CPA1: variants seen among roughly 807,000 people sequenced by gnomAD.
CPA1 encodes the protein carboxypeptidase A1 (pancreatic).
A neutral mutation model predicts 48.7 loss-of-function variants in CPA1; 42 were observed. The ratio of observed to expected loss-of-function variants is 0.86; its 90% CI spans 0.67 to 1.11. The LOEUF is 1.11. Ranked by LOEUF, CPA1 falls within the 50% of genes most tolerant of loss-of-function variation. The probability of loss-of-function intolerance (pLI) is 0.00; values close to 1 mark genes in which losing one functional copy is unlikely to be tolerated. For synonymous variants in CPA1, 203 were observed against 217.9 expected (o/e 0.93, Z 0.60); for missense variants, 477 against 544.7 (o/e 0.88, Z 1.24).
At chr7:130,386,486 C>T (rs2117507656) in intron 9 of CPA1, among the ~76,000 whole-genome samples, 1 of 151,972 alleles carries the variant, frequency 6.6e-6, no homozygotes, top group South Asian at 2.1e-4. Flanking sequence ...GAGCCAAGAG[C>T]ACGCCACTGT....
intron 3 of CPA1, 34 bp from the exon 4 acceptor site, chr7:130,382,074 A>G: frequency 6.4e-7 from 1 of 1,571,938 alleles, no homozygotes; most frequent in Non-Finnish European, 8.7e-7. Flanking sequence ...CCCAGAAGCT[A>G]TTAAGGCCAG....
At chr7:130,384,689 T>A in intron 7 of CPA1, 63 bp downstream of exon 7, 2 of 1,347,014 alleles carry the variant, frequency 1.5e-6, no homozygotes, top group Non-Finnish European at 2.1e-6. Context: ...TCACCACTGC[T>A]CTTGCTCCCC....
chr7:130,388,029 C>A lies in CPA1; in HGVS notation c.*18C>A. On this transcript the variant is annotated 3_prime_UTR_variant, in exon 10 of 10. Transcript: ENST00000011292. The stretch of plus-strand genomic sequence containing the variant: ...CCTACTGAGCTGACCCTTTGACACC[C>A]TTCTTGTCCTCCTCTCTGGCCCCAT... The A allele has an allele frequency of 6.2e-7, 1 of 1,612,660 alleles. No individual in the cohort carries two copies. The highest frequency in any genetic ancestry group is 8.5e-7 in the Non-Finnish European group (1 of 1,179,062).
chr7:130,381,325 C>T (rs1796401186), intron 2 of CPA1, 146 bp downstream of exon 2: 2 of 647,646 alleles, frequency 3.1e-6, no homozygotes, highest in Admixed American at 2.9e-5. Context: ...TTCAAGCCCC[C>T]AGCTCCAGAG....
intron 3 of CPA1, 54 bp from the exon 4 acceptor site, chr7:130,382,054 C>T: frequency 6.8e-7 from 1 of 1,460,130 alleles, no homozygotes; most frequent in South Asian, 1.2e-5. Flanking sequence ...CTAAGGGAAG[C>T]ATCTGGGTGC....
Position 130,384,573 on chromosome 7 carries a change from G to T in CPA1, c.734G>T (p.Gly245Val), listed in dbSNP as rs1554411729. The change falls in exon 7 of 10, where the codon GGC becomes GTC. Residue 245 changes from glycine (G) to valine (V), a missense_variant. By Grantham distance (109) the Gly-to-Val change is moderately radical (BLOSUM62 -3). Coordinates refer to ENST00000011292, the MANE Select transcript of CPA1 (RefSeq NM_001868.4). ...CGCAAGACTCGGTCCCACACAGCAG[G>T]CTCCCTCTGTATTGGCGTGGACCCC... The part of the protein sequence containing the change: ...MWRKTRSHTA[G>V]SLCIGVDPNR... 1.2e-6 allele frequency: 2 copies of T among 1,614,240 alleles called. No homozygotes were observed. Among genetic ancestry groups the T allele is most frequent in the Non-Finnish European group, 1.7e-6 (2 of 1,180,040 alleles).
Position 130,380,728 on chromosome 7 carries a change from A to G in CPA1, c.65+143A>G, listed in dbSNP as rs7790688. ...GCACCACCTGGGACAGCTGGCAGAT[A>G]AGCAACCAGGGTTGGGAAGAGGTTG... On this transcript the variant is annotated intron_variant, in intron 1 of 9. Coordinates refer to ENST00000011292, the MANE Select transcript of CPA1 (RefSeq NM_001868.4). The G allele has an allele frequency of 0.48, 237,660 of 492,032 alleles. 58,640 individuals carry two copies. Among genetic ancestry groups the G allele is most frequent in the East Asian group, 0.62 (18,365 of 29,516 alleles). The allele number at this position is 492,032 out of a possible 1,614,324, so 30.5% of individuals were successfully genotyped here.
At position 130,387,480 on chromosome 7, in the gene CPA1, G is replaced by C. The variant is rs558885976; in HGVS notation, c.1073-344G>C. Reference sequence around the variant, plus strand: ...CAGAGCCCCAGGGGAACAAATCCTGGTTACCCAAGCAGGGAACTCGGTATA... The same window carrying C: ...CAGAGCCCCAGGGGAACAAATCCTGCTTACCCAAGCAGGGAACTCGGTATA... On this transcript the variant is annotated intron_variant, in intron 9 of 9. Transcript: ENST00000011292. This position sits in a 1 kb window ranked among gnomAD's most constrained non-coding sequence, Gnocchi z 4.6. Among the ~76,000 whole-genome samples, 1 of 152,108 alleles carries C rather than the reference G, an allele frequency of 6.6e-6. No individual in the cohort carries two copies. The highest frequency in any genetic ancestry group is 1.5e-5 in the Non-Finnish European group (1 of 68,004).
chr7:130,381,776 C>G lies in CPA1; in HGVS notation c.294C>G (p.Asp98Glu), dbSNP rs1052791391. ...TCGAGGACGTGCAGTCGCTGCTGGA[C>G]GAGGAGCAGGAGCAGATGTTCGCCT... ...TMIEDVQSLL[D>E]EEQEQMFAFR... Residue 98 changes from aspartate to glutamate, a missense_variant, in exon 3 of 10, where the codon GAC becomes GAG. Physicochemically the swap from Asp to Glu is conservative, Grantham distance 45. Transcript: ENST00000011292. 3 of 1,614,164 alleles carry G rather than the reference C, an allele frequency of 1.9e-6. No homozygotes were observed. The highest frequency in any genetic ancestry group is 2.5e-6 in the Non-Finnish European group (3 of 1,180,024).
Position 130,381,155 on chromosome 7 carries a change from G to GCTGGAGGAC in CPA1, c.130_138dup (p.Asp44_Glu46dup). On this transcript the variant is annotated inframe_insertion, in exon 2 of 10. Transcript: ENST00000011292. ...AGGCCCAGGTACAGAAGGTGAAGGA[G>GCTGGAGGAC]CTGGAGGACCTGGAGCACCTGCAGG... is the stretch of plus-strand genomic sequence containing the variant. 1 of 1,613,496 alleles carries GCTGGAGGAC rather than the reference G, an allele frequency of 6.2e-7. No homozygotes were observed. The highest frequency in any genetic ancestry group is 8.5e-7 in the Non-Finnish European group (1 of 1,179,742).
chr7:130,385,264 C>G lies in CPA1; in HGVS notation c.906C>G (p.Phe302Leu), dbSNP rs782003179. 1 of 1,614,216 alleles carries G rather than the reference C, an allele frequency of 6.2e-7. No homozygotes were observed. Among genetic ancestry groups the G allele is most frequent in the Non-Finnish European group, 8.5e-7 (1 of 1,180,036 alleles). Residue 302 changes from phenylalanine (F) to leucine (L), a missense_variant, in exon 8 of 10, where the codon TTC becomes TTG. Physicochemically the swap from Phe to Leu is conservative, Grantham distance 22. Transcript: ENST00000011292. ...AGGACCATGGGAACATCAAGGCCTT[C>G]ATCTCCATCCACAGCTACTCCCAGC... ...FVKDHGNIKA[F>L]ISIHSYSQLL...
chr7:130,381,426 C>G (rs1383793166), intron 2 of CPA1, among the ~76,000 whole-genome samples: 1 of 152,186 alleles, frequency 6.6e-6, no homozygotes, highest in Non-Finnish European at 1.5e-5. Context: ...TCACTCTGCT[C>G]CTGGGCCATT....
At chr7:130,384,178 G>A (rs1429103017) in intron 6 of CPA1, 4 of 420,118 alleles carry the variant, frequency 9.5e-6, no homozygotes, top group Non-Finnish European at 1.7e-5. Flanking sequence ...TATTTTTACG[G>A]CAAATAAAAC....
Position 130,381,675 on chromosome 7 carries a change from G to T in CPA1, c.193G>T (p.Val65Phe). 2 of 1,613,990 alleles carry T rather than the reference G, an allele frequency of 1.2e-6. No homozygotes were observed. The highest frequency in any genetic ancestry group is 1.7e-6 in the Non-Finnish European group (2 of 1,179,974). The change falls in exon 3 of 10, where the codon GTC becomes TTC. Residue 65 changes from valine to phenylalanine, a missense_variant. By Grantham distance (50) the Val-to-Phe change is conservative. Coordinates refer to ENST00000011292, the MANE Select transcript of CPA1 (RefSeq NM_001868.4). ...GPAHPGSPID[V>F]RVPFPSIQAV... ...TGCCCACCCTGGCTCCCCCATCGACGTCCGAGTGCCCTTCCCCAGCATCCA... is the reference window on the plus strand; with the variant it reads ...TGCCCACCCTGGCTCCCCCATCGACTTCCGAGTGCCCTTCCCCAGCATCCA...
At position 130,383,466 on chromosome 7, in the gene CPA1, G is replaced by A; in HGVS notation, c.559G>A (p.Ala187Thr). The change falls in exon 5 of 10, where the codon GCC becomes ACC. Residue 187 changes from alanine (A) to threonine (T), a missense_variant. Physicochemically the swap from Ala to Thr is moderately conservative, Grantham distance 58. Transcript: ENST00000011292. ...CCATTCCCGGGAGTGGGTCACCCAG[G>A]CCAGTGGGGTCTGGTTTGCAAAGAA... ...GIHSREWVTQ[A>T]SGVWFAKKIT... The A allele has an allele frequency of 6.2e-7, 1 of 1,614,176 alleles. No individual in the cohort carries two copies.
chr7:130,387,882 C>T lies in CPA1; in HGVS notation c.1131C>T (p.Phe377=), dbSNP rs1796500083. ...WTYSQGIKYS[F]TFELRDTGRY... is the part of the protein sequence containing the mutation. Reference sequence around the variant, plus strand: ...ACAGCCAGGGCATCAAGTACTCCTTCACCTTCGAGCTCCGGGACACTGGGC... The same window carrying T: ...ACAGCCAGGGCATCAAGTACTCCTTTACCTTCGAGCTCCGGGACACTGGGC... Residue 377 remains phenylalanine, a synonymous_variant, in exon 10 of 10, where the codon TTC becomes TTT. Coordinates refer to ENST00000011292, the MANE Select transcript of CPA1 (RefSeq NM_001868.4). The surrounding 1 kb of genome is among the most constrained non-coding windows in gnomAD (Gnocchi z 4.6). 2.5e-6 allele frequency: 4 copies of T among 1,614,100 alleles called. No homozygotes were observed. In the Admixed American group the frequency reaches 5.0e-5, roughly 20 times the overall value.
At chr7:130,381,325 CA>C (rs1796401220) in intron 2 of CPA1, 146 bp downstream of exon 2, 2 of 647,646 alleles carry the variant, frequency 3.1e-6, no homozygotes, top group Admixed American at 2.9e-5. Context: ...TTCAAGCCCC[CA>C]GCTCCAGAGC....
At chr7:130,384,349 G>C in intron 6 of CPA1, 187 bp from the exon 7 acceptor site, 1 of 597,238 alleles carries the variant, frequency 1.7e-6, no homozygotes, top group Non-Finnish European at 3.0e-6. Context: ...AGCTGGGAGT[G>C]GATCCCATCC....
chr7:130,384,034 A>G, intron 6 of CPA1: 1 of 545,078 alleles, frequency 1.8e-6, no homozygotes, highest in Admixed American at 3.2e-5. Flanking sequence ...CACCCATTCA[A>G]TGCCAGTAGG....
Sources: allele counts gnomAD v4.1 joint callset (sites outside exome capture counted in the v4.1 genomes callset), GRCh38; gene constraint gnomAD v4.1.1; non-coding constraint Gnocchi (gnomAD v3.1); transcripts MANE v1.5; gene names NCBI Gene and HGNC (gene_info 2026-07-23, HGNC 2026-07-21).